The following LOXL3 variants were observed in gnomAD, a reference collection of about 807,000 sequenced individuals.
LOXL3 encodes the protein lysyl oxidase homolog 3.
LOXL3 carries 60 observed loss-of-function variants against 91.8 expected under a neutral mutation model. The observed-to-expected ratio is 0.65, with a 90% CI of 0.53 to 0.81. LOXL3 has a LOEUF of 0.81. Ranked by LOEUF, LOXL3 falls within the 30% of genes least tolerant of loss-of-function variation. The pLI is 0.00. For synonymous variants in LOXL3, 355 were observed against 387.6 expected (o/e 0.92, Z 0.99); for missense variants, 874 against 1,000.4 (o/e 0.87, Z 1.70).
Position 74,550,169 on chromosome 2 carries a change from T to C in LOXL3, c.477+16A>G, listed in dbSNP as rs574108275. 4 of 1,609,546 alleles carry C rather than the reference T, an allele frequency of 2.5e-6. No individual in the cohort carries two copies. The African/African-American group carries it at 5.3e-5, about 21-fold the overall frequency. ...ATCCTGGGTAGTGTGTGTGTGTATG[T>C]CTAGGAAATGCAGACCTCAATGACA... On this transcript the variant is annotated intron_variant, in intron 3 of 13. Transcript: ENST00000264094.
chr2:74,534,680 C>G lies in LOXL3; in HGVS notation c.1674G>C (p.Glu558Asp). Residue 558 changes from glutamate to aspartate, a missense_variant, in exon 10 of 14, where the codon GAG becomes GAC. Transcript: ENST00000264094. ...PLHMLYCAAE[E>D]NCLASSARSA... ...AGCGGGCTGAGCTGGCCAGGCAGTT[C>G]TCTTCCGCAGCACAGTACAACATAT... The G allele has an allele frequency of 6.2e-7, 1 of 1,614,210 alleles. No homozygotes were observed. The highest frequency in any genetic ancestry group is 1.6e-4 in the Middle Eastern group (1 of 6,062).
chr2:74,540,217 G>A (rs973616060), intron 4 of LOXL3, among the ~76,000 whole-genome samples: 3 of 152,186 alleles, frequency 2.0e-5, no homozygotes, highest in African/African-American at 4.8e-5. Flanking sequence ...AGTGAAGGCC[G>A]TGGACTCAGG....
At chr2:74,544,486 T>C (rs375878591) in intron 4 of LOXL3, among the ~76,000 whole-genome samples, 2 of 152,204 alleles carry the variant, frequency 1.3e-5, no homozygotes, top group African/African-American at 4.8e-5. Context: ...ACTTGGCAAA[T>C]AGGAGTTCAA....
chr2:74,536,078 T>C lies in LOXL3; in HGVS notation c.1166A>G (p.Lys389Arg), dbSNP rs1351583971. Residue 389 changes from lysine to arginine, a missense_variant, in exon 7 of 14, where the codon AAG becomes AGG. By Grantham distance (26) the Lys-to-Arg change is conservative (BLOSUM62 2). Coordinates refer to ENST00000264094, the MANE Select transcript of LOXL3 (RefSeq NM_032603.5). The surrounding 1 kb of genome is among the most constrained non-coding windows in gnomAD (Gnocchi z 4.5). ...QELSLWKCPH[K>R]NITAEDCSHS... ...TGAACAATCCTCAGCTGTGATGTTC[T>C]TGTGGGGGCACTTCCAGAGGGAGAG... 12 of 1,613,366 alleles carry C rather than the reference T, an allele frequency of 7.4e-6. No individual in the cohort carries two copies. Among genetic ancestry groups the C allele is most frequent in the East Asian group, 2.2e-5 (1 of 44,900 alleles).
At chr2:74,551,153 C>T (rs760375963) in intron 2 of LOXL3, among the ~76,000 whole-genome samples, 29 of 152,190 alleles carry the variant, frequency 1.9e-4, no homozygotes, top group Non-Finnish European at 3.2e-4. Context: ...AGGCTGGTCT[C>T]GAACTCCTGA....
chr2:74,554,594 A>T, upstream of LOXL3: 1 of 667,334 alleles, frequency 1.5e-6, no homozygotes, highest in Non-Finnish European at 2.5e-6. This position sits in a 1 kb window ranked among gnomAD's most constrained non-coding sequence, Gnocchi z 4.9. Flanking sequence ...GGGGGTCTCC[A>T]CCATTCCTTC....
chr2:74,533,508 G>A lies in LOXL3; in HGVS notation c.*98C>T, dbSNP rs1675777934. On this transcript the variant is annotated 3_prime_UTR_variant, in exon 14 of 14. Transcript: ENST00000264094. ...CCATAGTGCATGGTCTGATGAGTGC[G>A]GTTGCTGACATGGGTTTCTTGGTAA... The A allele has an allele frequency of 1.4e-5, 14 of 1,027,026 alleles. No individual in the cohort carries two copies. The highest frequency in any genetic ancestry group is 4.8e-5 in the East Asian group (2 of 42,038). The allele number at this position is 1,027,026 out of a possible 1,614,324, so 63.6% of individuals were successfully genotyped here.
At chr2:74,540,278 G>C (rs1388696948) in intron 4 of LOXL3, among the ~76,000 whole-genome samples, 1 of 152,234 alleles carries the variant, frequency 6.6e-6, no homozygotes, top group Non-Finnish European at 1.5e-5. Flanking sequence ...CAGATGGCAA[G>C]TAAGGACTCC....
chr2:74,536,498 A>G lies in LOXL3; in HGVS notation c.913-27T>C. 1 of 1,600,602 alleles carries G rather than the reference A, an allele frequency of 6.2e-7. No homozygotes were observed. The highest frequency in any genetic ancestry group is 8.5e-7 in the Non-Finnish European group (1 of 1,172,626). The stretch of plus-strand genomic sequence containing the variant: ...TATAGAAGAGAGAAGTGCCCAACAG[A>G]GGCAAATGGCAACATCTGCACGGAG... On this transcript the variant is annotated intron_variant, in intron 5 of 13. Transcript: ENST00000264094. This position sits in a 1 kb window ranked among gnomAD's most constrained non-coding sequence, Gnocchi z 4.5.
chr2:74,554,519 G>C (rs1263114158), upstream of LOXL3: 5 of 569,714 alleles, frequency 8.8e-6, no homozygotes, highest in Non-Finnish European at 9.3e-6. This position sits in a 1 kb window ranked among gnomAD's most constrained non-coding sequence, Gnocchi z 4.9. Flanking sequence ...ACTTTCGGTG[G>C]AGCCACTGGC....
chr2:74,552,182 G>GTTTGTCA, intron 2 of LOXL3, 140 bp downstream of exon 2: 1 of 769,608 alleles, frequency 1.3e-6, no homozygotes, highest in Middle Eastern at 3.9e-4. Flanking sequence ...ATGTTGCTTG[G>GTTTGTCA]TTTGTCATCC....
At chr2:74,554,758 GA>G, upstream of LOXL3, 1 of 1,613,770 alleles carries the variant, frequency 6.2e-7, no homozygotes, top group South Asian at 1.1e-5. This position sits in a 1 kb window ranked among gnomAD's most constrained non-coding sequence, Gnocchi z 4.9. Context: ...GGGGGCCATG[GA>G]CGGAGCAGTG....
upstream of LOXL3, chr2:74,554,289 C>G (rs1376455421): frequency 6.2e-6 from 1 of 161,066 alleles, no homozygotes; most frequent in African/African-American, 2.4e-5. This position sits in a 1 kb window ranked among gnomAD's most constrained non-coding sequence, Gnocchi z 4.9. Context: ...GCCCTCCCTC[C>G]GAGTCCCGGG....
chr2:74,535,970 C>T lies in LOXL3; in HGVS notation c.1248+26G>A, dbSNP rs1163572824. On this transcript the variant is annotated intron_variant, in intron 7 of 13. Transcript: ENST00000264094. This position sits in a 1 kb window ranked among gnomAD's most constrained non-coding sequence, Gnocchi z 4.2. The stretch of plus-strand genomic sequence containing the variant: ...GACCTGGATAGGATGAAAGAGACCT[C>T]AACCAAGGTAGAGAGGATGACTGAC... The T allele has an allele frequency of 6.5e-7, 1 of 1,541,150 alleles. No homozygotes were observed. The highest frequency in any genetic ancestry group is 8.7e-7 in the Non-Finnish European group (1 of 1,149,218).
At position 74,552,412 on chromosome 2, in the gene LOXL3, T is replaced by G; in HGVS notation, c.223A>C (p.Thr75Pro). 1 of 1,613,796 alleles carries G rather than the reference T, an allele frequency of 6.2e-7. No homozygotes were observed. The highest frequency in any genetic ancestry group is 8.5e-7 in the Non-Finnish European group (1 of 1,179,768). The change falls in exon 2 of 14, where the codon ACG becomes CCG. Residue 75 changes from threonine to proline, a missense_variant. Thr to Pro is a conservative substitution (Grantham distance 38). Transcript: ENST00000264094. ...CAGAGGATGTGGGCAGCCTGCAGCG[T>G]GAAGTCATCATCGCAGATGGTGCCC... The part of the protein sequence containing the change: ...EWGTICDDDF[T>P]LQAAHILCRE...
In LOXL3 at chr2:74,549,266, C is replaced by T; in HGVS notation, c.692+103G>A. 3.0e-6 allele frequency: 4 copies of T among 1,322,358 alleles called. No homozygotes were observed. The highest frequency in any genetic ancestry group is 2.0e-6 in the Non-Finnish European group (2 of 1,002,816). 81.9% of individuals were successfully genotyped at this position (1,322,358 alleles called of 1,614,324 possible). A position where few individuals can be genotyped will look rare whatever the true frequency, so the allele number is the denominator to read the frequency against. ...ATATTTTCCCGCGCGTCCCGACCCC[C>T]GGGTCCTCCCGTGCCCCGGACCTGC... On this transcript the variant is annotated intron_variant, in intron 4 of 13. Coordinates refer to ENST00000264094, the MANE Select transcript of LOXL3 (RefSeq NM_032603.5). The surrounding 1 kb of genome is among the most constrained non-coding windows in gnomAD (Gnocchi z 5.3).
Position 74,542,813 on chromosome 2 carries a change from C to T in LOXL3, c.693-5885G>A, listed in dbSNP as rs143110705. On this transcript the variant is annotated intron_variant, in intron 4 of 13. Transcript: ENST00000264094. ...CTAATTTTTGTATTTTTAGTAGAGA[C>T]GGAGTTTCATCATGTTGGCCAGGCT... Among the ~76,000 whole-genome samples, 1,070 of 152,014 alleles carry T rather than the reference C, an allele frequency of 7.0e-3. 16 individuals are homozygous for T. The highest frequency in any genetic ancestry group is 0.025 in the African/African-American group (1,017 of 41,452).
intron 4 of LOXL3, among the ~76,000 whole-genome samples, chr2:74,542,520 GCACACA>G (rs146466764): frequency 6.9e-6 from 1 of 145,450 alleles, no homozygotes; most frequent in Non-Finnish European, 1.5e-5. Context: ...TCCTACACAT[GCACACA>G]CACACACACA....
chr2:74,534,990 T>G (rs922887056), intron 9 of LOXL3, among the ~76,000 whole-genome samples: 1 of 152,224 alleles, frequency 6.6e-6, no homozygotes, highest in African/African-American at 2.4e-5. Flanking sequence ...GTGATTCTCC[T>G]GCCTCAGCCT....
Sources: gnomAD v4.1 joint callset for allele counts (sites outside exome capture counted in the v4.1 genomes callset) on GRCh38, gnomAD v4.1.1 for gene constraint, Gnocchi (gnomAD v3.1) non-coding constraint, MANE v1.5 for transcripts, NCBI Gene and HGNC (gene_info 2026-07-23, HGNC 2026-07-21) for gene names.